CLMN: variants seen among roughly 807,000 people sequenced by gnomAD.
CLMN encodes the protein calmin (calponin-like, transmembrane).
A neutral mutation model predicts 92.7 loss-of-function variants in CLMN; 57 were observed. The ratio of observed to expected loss-of-function variants is 0.61; its 90% CI spans 0.50 to 0.77. The LOEUF (loss-of-function observed/expected upper bound fraction) is 0.77, where lower values mean the gene tolerates loss of function less well. Among genes scored for constraint, CLMN ranks in the 30% least tolerant of loss-of-function variants. CLMN has a pLI of 0.00. For synonymous variants in CLMN, 466 were observed against 470.6 expected (o/e 0.99, Z 0.13); for missense variants, 1,158 against 1,237.5 (o/e 0.94, Z 0.96).
Position 95,194,406 on chromosome 14 carries a change from C to A in CLMN, c.2769+130G>T. ...TGCTTAATGATAAGGTTCCAATCTG[C>A]TTGTCTTCTATCCAAAAGTATAGCT... On this transcript the variant is annotated intron_variant, in intron 11 of 12. Transcript: ENST00000298912. This position sits in a 1 kb window ranked among gnomAD's most constrained non-coding sequence, Gnocchi z 4.0. 1 of 1,539,858 alleles carries A rather than the reference C, an allele frequency of 6.5e-7. No individual in the cohort carries two copies. The highest frequency in any genetic ancestry group is 1.2e-5 in the South Asian group (1 of 80,180).
chr14:95,206,135 T>G (rs1380606550), intron 8 of CLMN, among the ~76,000 whole-genome samples: 3 of 152,210 alleles, frequency 2.0e-5, no homozygotes, highest in Non-Finnish European at 2.9e-5. Context: ...AAAGCTGCTA[T>G]GGCTATGTTC....
At position 95,203,723 on chromosome 14, in the gene CLMN, A is replaced by G. The variant is rs376167544; in HGVS notation, c.1626T>C (p.Val542=). The stretch of plus-strand genomic sequence containing the variant: ...CTAAAGCTTCTACAGTCATCAGGTT[A>G]ACCTTGATCTGGAAGGAATCGGCCA... ...TVMADSFQIK[V]NLMTVEALEE... is the part of the protein sequence containing the mutation. Residue 542 remains valine (V), a synonymous_variant, in exon 9 of 13, where the codon GTT becomes GTC. Transcript: ENST00000298912. 3.1e-6 allele frequency: 5 copies of G among 1,614,062 alleles called. No homozygotes were observed. In the African/African-American group the frequency reaches 6.7e-5, roughly 22 times the overall value.
chr14:95,300,455 C>T (rs541778300), intron 1 of CLMN, among the ~76,000 whole-genome samples: 1 of 152,330 alleles, frequency 6.6e-6, no homozygotes, highest in African/African-American at 2.4e-5. Flanking sequence ...CTGCCTCCAA[C>T]AGCAAAGATG....
intron 12 of CLMN, chr14:95,193,089 T>C: frequency 2.1e-6 from 1 of 473,514 alleles, no homozygotes; most frequent in East Asian, 3.6e-5. Context: ...AGGCTTCCGA[T>C]TCCAGTAATC....
intron 5 of CLMN, among the ~76,000 whole-genome samples, chr14:95,215,043 G>A (rs1173194342): frequency 4.6e-5 from 7 of 152,224 alleles, no homozygotes; most frequent in African/African-American, 1.2e-4. Flanking sequence ...ACCATGGCAC[G>A]TGTATACCTA....
chr14:95,185,954 A>C lies in CLMN; in HGVS notation c.*5610T>G, dbSNP rs1896431151. The C allele has an allele frequency of 6.6e-6, 1 of 152,194 alleles. No homozygotes were observed. The highest frequency in any genetic ancestry group is 2.1e-4 in the South Asian group (1 of 4,830). The allele number at this position is 152,194 out of a possible 1,614,324, so 9.4% of individuals were successfully genotyped here. On this transcript the variant is annotated 3_prime_UTR_variant, in exon 13 of 13. Coordinates refer to ENST00000298912, the MANE Select transcript of CLMN (RefSeq NM_024734.4). ...ATGGATTCTGACATTTTCGTAAGAC[A>C]CATCTGTACTTGCTAATTCTGACTT... is the stretch of plus-strand genomic sequence containing the variant.
At chr14:95,301,352 G>A (rs1019431051) in intron 1 of CLMN, among the ~76,000 whole-genome samples, 1 of 152,188 alleles carries the variant, frequency 6.6e-6, no homozygotes, top group Non-Finnish European at 1.5e-5. Context: ...TGGAAATGCG[G>A]GGGGAATTTT....
chr14:95,220,424 G>C (rs1033187648), intron 4 of CLMN, among the ~76,000 whole-genome samples: 1 of 152,044 alleles, frequency 6.6e-6, no homozygotes, highest in Non-Finnish European at 1.5e-5. Flanking sequence ...TGATCCACCC[G>C]CCTCGGCCTC....
In CLMN at chr14:95,194,509, G is replaced by T; in HGVS notation, c.2769+27C>A. ...AGGAATTGATTAGCAGGGGCCGTGC[G>T]GAAAGAGAAGAAATTCACATACTAA... is the stretch of plus-strand genomic sequence containing the variant. On this transcript the variant is annotated intron_variant, in intron 11 of 12. Transcript: ENST00000298912. This position sits in a 1 kb window ranked among gnomAD's most constrained non-coding sequence, Gnocchi z 4.0. The T allele has an allele frequency of 6.2e-7, 1 of 1,614,038 alleles. No individual in the cohort carries two copies. Among genetic ancestry groups the T allele is most frequent in the Non-Finnish European group, 8.5e-7 (1 of 1,179,922 alleles).
chr14:95,319,603 C>A (rs540466710), intron 1 of CLMN, 108 bp downstream of exon 1: 5 of 904,164 alleles, frequency 5.5e-6, no homozygotes, highest in Admixed American at 2.5e-5. Flanking sequence ...ACAGGAACAA[C>A]GAGCGGCCGG....
At chr14:95,303,779 G>A (rs1405842745) in intron 1 of CLMN, among the ~76,000 whole-genome samples, 1 of 152,210 alleles carries the variant, frequency 6.6e-6, no homozygotes, top group East Asian at 1.9e-4. Flanking sequence ...CTGTTTGCCA[G>A]CCTCCCATCT....
chr14:95,203,971 C>T lies in CLMN; in HGVS notation c.1378G>A (p.Asp460Asn), dbSNP rs376091131. The T allele has an allele frequency of 1.2e-6, 2 of 1,614,076 alleles. No homozygotes were observed. Among genetic ancestry groups the T allele is most frequent in the African/African-American group, 2.7e-5 (2 of 74,946 alleles). ...PRVAKESLRQDGHVLAVEVAE... is the reference protein window; with the variant it reads ...PRVAKESLRQNGHVLAVEVAE... ...ACCTCAACTGCCAAGACATGTCCATCCTGCCTCAATGATTCCTTTGCCACT... is the reference window on the plus strand; with the variant it reads ...ACCTCAACTGCCAAGACATGTCCATTCTGCCTCAATGATTCCTTTGCCACT... Residue 460 changes from aspartate to asparagine, a missense_variant, in exon 9 of 13, where the codon GAT (aspartate) becomes AAT (asparagine). By Grantham distance (23) the Asp-to-Asn change is conservative (BLOSUM62 1). Coordinates refer to ENST00000298912, the MANE Select transcript of CLMN (RefSeq NM_024734.4).
chr14:95,228,409 A>G (rs1196919197), intron 2 of CLMN, among the ~76,000 whole-genome samples: 2 of 152,120 alleles, frequency 1.3e-5, no homozygotes, highest in Non-Finnish European at 2.9e-5. Context: ...ACAATCTTTC[A>G]CCCGTAGAGT....
intron 1 of CLMN, among the ~76,000 whole-genome samples, chr14:95,242,237 C>CT (rs1898270986): frequency 8.8e-6 from 1 of 113,546 alleles, no homozygotes; most frequent in Non-Finnish European, 2.0e-5. Context: ...CATTTCTTTT[C>CT]TTTTTTCTTT....
chr14:95,204,744 T>A (rs1350897739), intron 8 of CLMN, among the ~76,000 whole-genome samples: 2 of 152,154 alleles, frequency 1.3e-5, no homozygotes, highest in Non-Finnish European at 2.9e-5. Context: ...GATTAACGAA[T>A]CTCAATGAAA....
intron 1 of CLMN, among the ~76,000 whole-genome samples, chr14:95,251,924 T>C (rs986468462): frequency 1.3e-5 from 2 of 152,174 alleles, no homozygotes; most frequent in Non-Finnish European, 2.9e-5. Context: ...GGGGTCTCTT[T>C]ATGCAGAGAT....
At chr14:95,296,694 G>A (rs574738368) in intron 1 of CLMN, among the ~76,000 whole-genome samples, 2 of 152,292 alleles carry the variant, frequency 1.3e-5, no homozygotes, top group South Asian at 4.1e-4. Flanking sequence ...TGGAGCTCTA[G>A]CAGCCATCTT....
chr14:95,213,674 C>A (rs1266937554), intron 5 of CLMN, among the ~76,000 whole-genome samples: 2 of 152,214 alleles, frequency 1.3e-5, no homozygotes, highest in Middle Eastern at 3.4e-3. Flanking sequence ...CCAGCTCCAG[C>A]CAGCACTTCA....
intron 4 of CLMN, among the ~76,000 whole-genome samples, chr14:95,221,190 G>C (rs984362148): frequency 1.3e-5 from 2 of 152,150 alleles, no homozygotes; most frequent in Admixed American, 6.5e-5. Flanking sequence ...CCTCTGTGAA[G>C]AATGTGGAGC....
Sources: gnomAD v4.1 joint callset for allele counts (sites outside exome capture counted in the v4.1 genomes callset) on GRCh38, gnomAD v4.1.1 for gene constraint, Gnocchi (gnomAD v3.1) non-coding constraint, MANE v1.5 for transcripts, NCBI Gene and HGNC (gene_info 2026-07-23, HGNC 2026-07-21) for gene names.